The following HAUS6 variants were observed in gnomAD, a reference collection of about 807,000 sequenced individuals.
HAUS6 encodes the protein HAUS augmin-like complex subunit 6.
Under a neutral mutation model 106.8 loss-of-function variants are expected in HAUS6, and 80 were observed. The observed-to-expected ratio is 0.75, with a 90% CI of 0.63 to 0.90. The LOEUF (loss-of-function observed/expected upper bound fraction) is 0.90. Ranked by LOEUF, HAUS6 falls within the 40% of genes least tolerant of loss-of-function variation. The pLI is 0.00. For synonymous variants in HAUS6, 356 were observed against 379.1 expected (o/e 0.94, Z 0.71); for missense variants, 1,155 against 1,118.1 (o/e 1.03, Z -0.47).
chr9:19,072,586 C>G (rs72696462), intron 11 of HAUS6, among the ~76,000 whole-genome samples: 4 of 150,848 alleles, frequency 2.7e-5, no homozygotes, highest in Admixed American at 6.6e-5. Flanking sequence ...CAGAAAACAA[C>G]GAGATTATAT....
chr9:19,063,446 A>T, intron 13 of HAUS6, 68 bp downstream of exon 13: 1 of 812,382 alleles, frequency 1.2e-6, no homozygotes, highest in Non-Finnish European at 1.9e-6. Flanking sequence ...TGTGGTATCA[A>T]CAAAAATAAA....
At chr9:19,067,419 A>G (rs1470676483) in intron 12 of HAUS6, among the ~76,000 whole-genome samples, 7 of 152,160 alleles carry the variant, frequency 4.6e-5, no homozygotes, top group Admixed American at 4.6e-4. Flanking sequence ...TCTAGCAATG[A>G]TAATCTTTTA....
intron 6 of HAUS6, 28 bp downstream of exon 6, chr9:19,087,063 G>A (rs771394217): frequency 3.7e-6 from 4 of 1,093,564 alleles, no homozygotes; most frequent in Non-Finnish European, 4.2e-6. Context: ...AGTATCTAAG[G>A]CAACTTCTAG....
In HAUS6 at chr9:19,089,432, T is replaced by C. The variant is rs139911174; in HGVS notation, c.564A>G (p.Gln188=). 13 of 1,609,498 alleles carry C rather than the reference T, an allele frequency of 8.1e-6. No individual in the cohort carries two copies. Among genetic ancestry groups the C allele is most frequent in the South Asian group, 3.3e-5 (3 of 90,944 alleles). ...QILQRQDCVT[Q]KYQENAQLSV... is the part of the protein sequence containing the mutation. ...CTTACTGTGCATTTTCCTGATATTT[T>C]TGGGTAACACAATCTTGTCTTTGCA... is the stretch of plus-strand genomic sequence containing the variant. Residue 188 remains glutamine (Q), a synonymous_variant, in exon 5 of 17, where the codon CAA becomes CAG. Coordinates refer to ENST00000380502, the MANE Select transcript of HAUS6 (RefSeq NM_017645.5).
intron 11 of HAUS6, among the ~76,000 whole-genome samples, chr9:19,072,494 TAAAG>T (rs1836901264): frequency 7.0e-6 from 1 of 143,666 alleles, no homozygotes; most frequent in African/African-American, 2.6e-5. Context: ...GCCTGGGTAA[TAAAG>T]ACTCTGTCTC....
At position 19,053,447 on chromosome 9, in the gene HAUS6, A is replaced by T. The variant is rs992954168; in HGVS notation, c.*2896T>A. 6.6e-6 allele frequency: 1 copy of T among 152,178 alleles called. No homozygotes were observed. Among genetic ancestry groups the T allele is most frequent in the Non-Finnish European group, 1.5e-5 (1 of 67,988 alleles). The allele number at this position is 152,178 out of a possible 1,614,324, so 9.4% of individuals were successfully genotyped here. The stretch of plus-strand genomic sequence containing the variant: ...TTCCTTTAGATAAATTTGACTTCAT[A>T]GTCAAGAGTCTCATGGTAAAGAAAA... On this transcript the variant is annotated 3_prime_UTR_variant, in exon 17 of 17. Transcript: ENST00000380502.
At chr9:19,070,427 T>C (rs1836861178) in intron 11 of HAUS6, 127 bp from the exon 12 acceptor site, 1 of 621,082 alleles carries the variant, frequency 1.6e-6, no homozygotes, top group Non-Finnish European at 2.9e-6. Context: ...TGAACACTAA[T>C]AGGAAAACAT....
At chr9:19,059,808 T>TA (rs1564006660) in intron 15 of HAUS6, among the ~76,000 whole-genome samples, 1 of 152,076 alleles carries the variant, frequency 6.6e-6, no homozygotes, top group East Asian at 1.9e-4. Flanking sequence ...TTTTTTTTTT[T>TA]AAATGCTCAA....
At position 19,058,991 on chromosome 9, in the gene HAUS6, A is replaced by C. The variant is rs1296335582; in HGVS notation, c.1776T>G (p.Ile592Met). 2.5e-6 allele frequency: 4 copies of C among 1,574,360 alleles called. No individual in the cohort carries two copies. The highest frequency in any genetic ancestry group is 2.7e-5 in the African/African-American group (2 of 73,724). Residue 592 changes from isoleucine (I) to methionine (M), a missense_variant, in exon 16 of 17, where the codon ATT (isoleucine) becomes ATG (methionine). By Grantham distance (10) the Ile-to-Met change is conservative (BLOSUM62 1). Around this residue, in one of 3 missense-constraint regions of HAUS6, gnomAD observed 14 missense variants for 33.2 expected, o/e 0.42. Transcript: ENST00000380502. ...CAATAGCTTTTCTCCATGAGCTCCT[A>C]ATTTCAGTTACTAATTAAAGGGGAG... ...PRTPENLITE[I>M]RSSWRKAIEM...
rs746423003 is a variant in HAUS6, at chr9:19,080,174, C to CAAAA, written c.1064+301_1064+304dup. On this transcript the variant is annotated intron_variant, in intron 9 of 16. Transcript: ENST00000380502. Reference sequence around the variant, plus strand: ...GGGCAACGAGAGCGAAACTCCGTCTCAAAAAAAAAAAAAAAAAAAAAAAAA... The same window carrying CAAAA: ...GGGCAACGAGAGCGAAACTCCGTCTCAAAAAAAAAAAAAAAAAAAAAAAAAAAAA... 3.1e-3 allele frequency among the ~76,000 whole-genome samples: 116 copies of CAAAA among 37,430 alleles called. 1 individual carries two copies. The highest frequency in any genetic ancestry group is 4.7e-3 in the African/African-American group (53 of 11,234). The allele number at this position is 37,430 out of a possible 152,430, so 24.6% of individuals were successfully genotyped here. A position where few individuals can be genotyped will look rare whatever the true frequency, so the allele number is the denominator to read the frequency against.
rs1217969097 is a variant in HAUS6 at position 19,058,818 on chromosome 9, T to C, written c.1949A>G (p.Gln650Arg). 1.2e-6 allele frequency: 2 copies of C among 1,614,210 alleles called. No homozygotes were observed. Among genetic ancestry groups the C allele is most frequent in the Middle Eastern group, 1.6e-4 (1 of 6,062 alleles). ...LLETTVSDFG[Q>R]SHLTEEKVIS... ...AACTTTCTCTTCAGTCAAATGAGAC[T>C]GGCCAAAATCTGATACAGTGGTTTC... Residue 650 changes from glutamine to arginine, a missense_variant, in exon 16 of 17, where the codon CAG becomes CGG. Gln to Arg is a conservative substitution (Grantham distance 43). This residue lies in a region of HAUS6 where 380 missense variants were observed against 394.8 expected (regional missense o/e 0.96). Coordinates refer to ENST00000380502, the MANE Select transcript of HAUS6 (RefSeq NM_017645.5).
intron 7 of HAUS6, among the ~76,000 whole-genome samples, chr9:19,085,641 G>C (rs994786094): frequency 2.7e-5 from 4 of 149,144 alleles, no homozygotes; most frequent in African/African-American, 9.9e-5. Context: ...GAAAACCTAA[G>C]AAAATACTTA....
intron 5 of HAUS6, among the ~76,000 whole-genome samples, chr9:19,087,846 CAAAAAA>C (rs71333081): frequency 1.3e-5 from 1 of 78,716 alleles, no homozygotes; most frequent in Non-Finnish European, 2.3e-5. Flanking sequence ...GACCTTGTCT[CAAAAAA>C]AAAAAAAAAA....
At chr9:19,082,785 A>T in intron 8 of HAUS6, 88 bp downstream of exon 8, 1 of 740,930 alleles carries the variant, frequency 1.3e-6, no homozygotes, top group South Asian at 3.3e-5. Flanking sequence ...ACAAAAAACA[A>T]ATTCTGAAAG....
chr9:19,084,443 G>C (rs911399115), intron 7 of HAUS6, among the ~76,000 whole-genome samples: 3 of 152,084 alleles, frequency 2.0e-5, no homozygotes, highest in Non-Finnish European at 4.4e-5. Flanking sequence ...TGGTTACATG[G>C]ACTTGTTCAC....
chr9:19,081,945 T>C (rs1837160097), intron 8 of HAUS6, among the ~76,000 whole-genome samples: 1 of 152,112 alleles, frequency 6.6e-6, no homozygotes, highest in Non-Finnish European at 1.5e-5. Flanking sequence ...ATATTTTATC[T>C]TTGTATCTCT....
At chr9:19,093,661 GAGTTCAAGACC>G (rs2131152378) in intron 3 of HAUS6, among the ~76,000 whole-genome samples, 1 of 152,292 alleles carries the variant, frequency 6.6e-6, no homozygotes, top group East Asian at 1.9e-4. Context: ...TGGAGGTCAG[GAGTTCAAGACC>G]AGCCTGGCCA....
At chr9:19,090,146 G>A (rs1182277896) in intron 4 of HAUS6, among the ~76,000 whole-genome samples, 1 of 151,992 alleles carries the variant, frequency 6.6e-6, no homozygotes, top group African/African-American at 2.4e-5. Context: ...CACAACTAAT[G>A]TTAATGAAAG....
chr9:19,080,225 C>A (rs1232171874), intron 9 of HAUS6, among the ~76,000 whole-genome samples: 1 of 149,942 alleles, frequency 6.7e-6, no homozygotes, highest in Non-Finnish European at 1.5e-5. Flanking sequence ...AAGATTAGAC[C>A]CAACAAAAGA....
Sources: gnomAD v4.1 joint callset for allele counts (sites outside exome capture counted in the v4.1 genomes callset) on GRCh38, gnomAD v4.1.1 for gene constraint, gnomAD v4.1.1 regional missense constraint, MANE v1.5 for transcripts, NCBI Gene and HGNC (gene_info 2026-07-23, HGNC 2026-07-21) for gene names.